DBX2: variants seen among roughly 807,000 people sequenced by gnomAD.
The protein encoded by DBX2 is homeobox protein DBX2.
In DBX2, 16 loss-of-function variants were observed where a neutral mutation model predicts 17.7. That is an observed-to-expected ratio of 0.90 (90% confidence interval 0.61 to 1.37). DBX2 has a LOEUF of 1.37. Among genes scored for constraint, DBX2 ranks in the 40% most tolerant of loss-of-function variants. The pLI is 0.00. For synonymous variants in DBX2, 255 were observed against 183.8 expected (o/e 1.39, Z -3.13); for missense variants, 538 against 433.8 (o/e 1.24, Z -2.13).
At chr12:45,028,670 A>G (rs1306484851) in intron 2 of DBX2, among the ~76,000 whole-genome samples, 2 of 152,184 alleles carry the variant, frequency 1.3e-5, no homozygotes, top group Admixed American at 1.3e-4. Context: ...GTGAACCCAA[A>G]CTAGCCCTTG....
chr12:45,018,700 G>A (rs2643149), intron 3 of DBX2, among the ~76,000 whole-genome samples: 96,495 of 151,884 alleles, frequency 0.64, 31,083 homozygotes, highest in South Asian at 0.84. Context: ...ACCCATATTC[G>A]CAGCAGCATT....
Position 45,050,648 on chromosome 12 carries a change from G to T in DBX2, c.280C>A (p.Pro94Thr). The T allele has an allele frequency of 1.3e-6, 2 of 1,549,692 alleles. No individual in the cohort carries two copies. The highest frequency in any genetic ancestry group is 1.2e-5 in the South Asian group (1 of 84,098). ...KLCPAAEQVS[P>T]AGAPYGTRWA... ...CGCGTTCCGTAGGGCGCCCCGGCGGGGCTAACTTGTTCGGCTGCGGGGCAC... is the reference window on the plus strand; with the variant it reads ...CGCGTTCCGTAGGGCGCCCCGGCGGTGCTAACTTGTTCGGCTGCGGGGCAC... Residue 94 changes from proline (P) to threonine (T), a missense_variant, in exon 1 of 4, where the codon CCC (proline) becomes ACC (threonine). Transcript: ENST00000332700.
At chr12:45,030,776 C>T (rs969776097) in intron 2 of DBX2, among the ~76,000 whole-genome samples, 7 of 152,206 alleles carry the variant, frequency 4.6e-5, no homozygotes, top group African/African-American at 1.7e-4. Context: ...CTATGAAGCA[C>T]CACTGAATCT....
intron 1 of DBX2, among the ~76,000 whole-genome samples, chr12:45,046,629 C>T (rs147404271): frequency 7.6e-4 from 116 of 152,222 alleles, no homozygotes; most frequent in African/African-American, 2.7e-3. Context: ...GTAAAAGAGG[C>T]CATTTTATTT....
At chr12:45,043,198 T>C (rs1946481251) in intron 1 of DBX2, among the ~76,000 whole-genome samples, 1 of 152,132 alleles carries the variant, frequency 6.6e-6, no homozygotes, top group Non-Finnish European at 1.5e-5. Flanking sequence ...TCACAAATTA[T>C]TTGGTACTCC....
In DBX2 at chr12:45,050,529, C is replaced by CCA; in HGVS notation, c.398_399insTG (p.Pro134GlyfsTer10). On this transcript the variant is annotated frameshift_variant, in exon 1 of 4. Transcript: ENST00000332700. LOFTEE classifies it high-confidence loss of function. ...GGGAGGGGAGAGCTGGCTCACCTGG[C>CCA]GCTGAAGGCTGGAAGGTACAGTCTC... is the stretch of plus-strand genomic sequence containing the variant. 1.3e-6 allele frequency: 2 copies of CCA among 1,549,832 alleles called. No homozygotes were observed. Among genetic ancestry groups the CCA allele is most frequent in the Non-Finnish European group, 1.7e-6 (2 of 1,147,874 alleles).
rs1946320604 is a variant in DBX2 at position 45,015,919 on chromosome 12, T to G, written c.*367A>C. On this transcript the variant is annotated 3_prime_UTR_variant, in exon 4 of 4. Transcript: ENST00000332700. ...TTTCTTCACATAAAAGGAAGTGAAT[T>G]TACTCAATGCAATAGTTAAAGAGAA... 1 of 160,698 alleles carries G rather than the reference T, an allele frequency of 6.2e-6. No homozygotes were observed. The highest frequency in any genetic ancestry group is 6.4e-5 in the Admixed American group (1 of 15,526). The allele number at this position is 160,698 out of a possible 1,614,324, so 10.0% of individuals were successfully genotyped here. A position where few individuals can be genotyped will look rare whatever the true frequency, so the allele number is the denominator to read the frequency against.
chr12:45,031,225 T>TGTGTGTGTGTGTGAGAGA (rs1377897653), intron 2 of DBX2, among the ~76,000 whole-genome samples: 43 of 85,654 alleles, frequency 5.0e-4, no homozygotes, highest in East Asian at 2.0e-3. Flanking sequence ...TGTGTGTGTG[T>TGTGTGTGTGTGTGAGAGA]GAGAGAGAGA....
At chr12:45,032,551 G>A (rs1294699773) in intron 2 of DBX2, among the ~76,000 whole-genome samples, 1 of 152,118 alleles carries the variant, frequency 6.6e-6, no homozygotes, top group African/African-American at 2.4e-5. Flanking sequence ...GAAAAATAAT[G>A]TCCCTTCCTT....
intron 3 of DBX2, among the ~76,000 whole-genome samples, chr12:45,018,036 T>A (rs1946332213): frequency 6.6e-6 from 1 of 152,150 alleles, no homozygotes. Context: ...ACAAAAAAAA[T>A]CTACCCCAGG....
In DBX2 at chr12:45,029,526, G is replaced by A. The variant is rs571730704; in HGVS notation, c.500-5632C>T. On this transcript the variant is annotated intron_variant, in intron 2 of 3. Transcript: ENST00000332700. ...GATTGTCAAAGGTACGAGTGGGCAG[G>A]GAAAGAAGTGGGAAAGTGGCAAGAG... 1.1e-4 allele frequency among the ~76,000 whole-genome samples: 16 copies of A among 152,230 alleles called. No homozygotes were observed. In the East Asian group the frequency reaches 3.1e-3, roughly 29 times the overall value.
Position 45,016,089 on chromosome 12 carries a change from T to A in DBX2, c.*197A>T, listed in dbSNP as rs534703325. 2.0e-6 allele frequency: 1 copy of A among 491,810 alleles called. No individual in the cohort carries two copies. Among genetic ancestry groups the A allele is most frequent in the Non-Finnish European group, 3.4e-6 (1 of 293,902 alleles). The allele number at this position is 491,810 out of a possible 1,614,324, so 30.5% of individuals were successfully genotyped here. The stretch of plus-strand genomic sequence containing the variant: ...AGTTCTGTCATACTTGCTGGGAGAT[T>A]CTATTCCACTTACAAATTAAGCCTG... On this transcript the variant is annotated 3_prime_UTR_variant, in exon 4 of 4. Coordinates refer to ENST00000332700, the MANE Select transcript of DBX2 (RefSeq NM_001004329.3).
At chr12:45,031,223 TGTGAGAGAGAGA>T (rs1456706501) in intron 2 of DBX2, among the ~76,000 whole-genome samples, 17 of 44,198 alleles carry the variant, frequency 3.8e-4, no homozygotes, top group African/African-American at 1.3e-3. Context: ...TGTGTGTGTG[TGTGAGAGAGAGA>T]GAGAGAGAGA....
At chr12:45,049,399 A>G (rs1946517041) in intron 1 of DBX2, among the ~76,000 whole-genome samples, 1 of 152,316 alleles carries the variant, frequency 6.6e-6, no homozygotes. Context: ...GGTGCAAAAA[A>G]GGTTCCCTAG....
chr12:45,024,170 C>T (rs780867536), intron 2 of DBX2, among the ~76,000 whole-genome samples: 12 of 152,038 alleles, frequency 7.9e-5, no homozygotes, highest in Non-Finnish European at 1.5e-4. Flanking sequence ...TGAGGTCTCA[C>T]GAGATCTGAT....
At position 45,016,265 on chromosome 12, in the gene DBX2, A is replaced by C; in HGVS notation, c.*21T>G. The C allele has an allele frequency of 6.5e-7, 1 of 1,531,476 alleles. No homozygotes were observed. The highest frequency in any genetic ancestry group is 8.7e-7 in the Non-Finnish European group (1 of 1,143,100). The allele number at this position is 1,531,476 out of a possible 1,614,324, so 94.9% of individuals were successfully genotyped here. On this transcript the variant is annotated 3_prime_UTR_variant, in exon 4 of 4. Transcript: ENST00000332700. ...TTACTATTAAGCGTTCTTTTAAATG[A>C]ACACGGAGGAATGCTTCCATTCAGA...
intron 2 of DBX2, among the ~76,000 whole-genome samples, chr12:45,025,372 C>A (rs747799950): frequency 6.6e-6 from 1 of 151,874 alleles, no homozygotes; most frequent in Non-Finnish European, 1.5e-5. Context: ...CTCCCCAGAG[C>A]CTACACAAAG....
intron 3 of DBX2, among the ~76,000 whole-genome samples, chr12:45,020,670 T>C (rs1308747728): frequency 1.1e-5 from 1 of 91,330 alleles, no homozygotes; most frequent in Admixed American, 1.4e-4. Context: ...TATATGTATA[T>C]ATATGTATAT....
At chr12:45,044,690 A>C (rs1946490476) in intron 1 of DBX2, among the ~76,000 whole-genome samples, 1 of 152,166 alleles carries the variant, frequency 6.6e-6, no homozygotes. Flanking sequence ...TAAAAGTCTA[A>C]AAACTCCTAT....
Sources: allele counts gnomAD v4.1 joint callset (sites outside exome capture counted in the v4.1 genomes callset), GRCh38; gene constraint gnomAD v4.1.1; transcripts MANE v1.5; gene names NCBI Gene and HGNC (gene_info 2026-07-23, HGNC 2026-07-21).